Variants in HPSE observed in about 807,000 individuals in gnomAD.
HPSE encodes the protein heparanase, also known as endo-glucoronidase.
HPSE carries 48 observed loss-of-function variants against 65.1 expected under a neutral mutation model. The observed-to-expected ratio is 0.74, with a 90% CI of 0.58 to 0.94. The LOEUF (loss-of-function observed/expected upper bound fraction) is 0.94. Ranked by LOEUF, HPSE falls within the 40% of genes least tolerant of loss-of-function variation. HPSE has a pLI of 0.00. For missense variants in HPSE, 644 were observed against 637.5 expected (o/e 1.01, Z -0.11); for synonymous variants, 243 against 260.0 (o/e 0.93, Z 0.63).
intron 9 of HPSE, among the ~76,000 whole-genome samples, chr4:83,304,685 A>G (rs1736087370): frequency 6.6e-6 from 1 of 152,266 alleles, no homozygotes; most frequent in African/African-American, 2.4e-5. Context: ...AAATAAATAA[A>G]TAAATCACCA....
At chr4:83,298,883 C>T (rs1294988417) in intron 11 of HPSE, among the ~76,000 whole-genome samples, 1 of 151,956 alleles carries the variant, frequency 6.6e-6, no homozygotes, top group Non-Finnish European at 1.5e-5. Flanking sequence ...GTTTAACTCT[C>T]CGAGGTCATT....
chr4:83,314,013 G>A (rs1478641012), intron 3 of HPSE, among the ~76,000 whole-genome samples: 1 of 152,166 alleles, frequency 6.6e-6, no homozygotes, highest in African/African-American at 2.4e-5. Context: ...AGCACTTTGG[G>A]AGGCCGAGGC....
At chr4:83,305,172 G>C (rs1403416486) in intron 9 of HPSE, among the ~76,000 whole-genome samples, 4 of 152,162 alleles carry the variant, frequency 2.6e-5, no homozygotes, top group Non-Finnish European at 5.9e-5. Context: ...CATATACAAA[G>C]AGTTCGTAAG....
At chr4:83,325,782 A>G (rs1239792760) in intron 1 of HPSE, among the ~76,000 whole-genome samples, 2 of 152,248 alleles carry the variant, frequency 1.3e-5, no homozygotes, top group Non-Finnish European at 2.9e-5. Flanking sequence ...TTTCACTGCT[A>G]GACATTCAAA....
intron 1 of HPSE, among the ~76,000 whole-genome samples, chr4:83,322,787 GTT>G (rs1553920741): frequency 0.075 from 8,329 of 111,562 alleles, 620 homozygotes; most frequent in East Asian, 0.29. Context: ...GCAAGAGCTT[GTT>G]TGTGTGTGTG....
intron 3 of HPSE, among the ~76,000 whole-genome samples, chr4:83,316,090 G>A (rs192639204): frequency 1.7e-3 from 262 of 151,544 alleles, no homozygotes; most frequent in African/African-American, 6.0e-3. Flanking sequence ...ACAATGGCAT[G>A]ATCTTGGCTC....
Position 83,326,407 on chromosome 4 carries a change from C to G in HPSE, c.228-4043G>C, listed in dbSNP as rs1737158095. Among the ~76,000 whole-genome samples, 1 of 152,060 alleles carries G rather than the reference C, an allele frequency of 6.6e-6. No homozygotes were observed. The highest frequency in any genetic ancestry group is 2.4e-5 in the African/African-American group (1 of 41,408). On this transcript the variant is annotated intron_variant, in intron 1 of 11. Coordinates refer to ENST00000311412, the MANE Select transcript of HPSE (RefSeq NM_001098540.3). This position sits in a 1 kb window ranked among gnomAD's most constrained non-coding sequence, Gnocchi z 4.2. Reference sequence around the variant, plus strand: ...GTTGAGGAGGAGTCAAGGATTACTCCTGGGAAGCTCCTTGGAAGATGGTAA... The same window carrying G: ...GTTGAGGAGGAGTCAAGGATTACTCGTGGGAAGCTCCTTGGAAGATGGTAA...
At chr4:83,325,689 T>C (rs1292309713) in intron 1 of HPSE, among the ~76,000 whole-genome samples, 1 of 152,194 alleles carries the variant, frequency 6.6e-6, no homozygotes, top group African/African-American at 2.4e-5. Context: ...AAAAATGCTA[T>C]GGAAACATTC....
chr4:83,333,831 CT>C (rs1413704733), intron 1 of HPSE, among the ~76,000 whole-genome samples: 15 of 135,290 alleles, frequency 1.1e-4, no homozygotes, highest in African/African-American at 3.7e-4. Flanking sequence ...CTGTGACGCC[CT>C]TTTCATCTGC....
chr4:83,323,706 A>G (rs774647615), intron 1 of HPSE, among the ~76,000 whole-genome samples: 13 of 152,310 alleles, frequency 8.5e-5, no homozygotes, highest in Non-Finnish European at 1.9e-4. Context: ...ATAGTATTCT[A>G]ATTCCCATCA....
At chr4:83,299,216 T>C (rs1421368805) in intron 11 of HPSE, among the ~76,000 whole-genome samples, 1 of 151,426 alleles carries the variant, frequency 6.6e-6, no homozygotes, top group Non-Finnish European at 1.5e-5. Flanking sequence ...ATACAAAAAT[T>C]AGCCAGGCGT....
intron 1 of HPSE, 64 bp downstream of exon 1, chr4:83,334,492 G>A: frequency 6.8e-7 from 1 of 1,474,016 alleles, no homozygotes; most frequent in Middle Eastern, 2.3e-4. Context: ...GAGAGCGGCT[G>A]GCGGGGCAGA....
chr4:83,322,528 T>C (rs1408703294), intron 1 of HPSE, among the ~76,000 whole-genome samples, 164 bp from the exon 2 acceptor site: 1 of 152,190 alleles, frequency 6.6e-6, no homozygotes, highest in African/African-American at 2.4e-5. Flanking sequence ...AATCTTGCTC[T>C]GTTTTCCAGG....
Position 83,310,901 on chromosome 4 carries a change from G to T in HPSE, c.674-11C>A. Reference sequence around the variant, plus strand: ...GGAAACTGTTAGGTTCTGAAAGACAGCAATTCTCAAAATATATATCGAGAA... The same window carrying T: ...GGAAACTGTTAGGTTCTGAAAGACATCAATTCTCAAAATATATATCGAGAA... On this transcript the variant is annotated splice_polypyrimidine_tract_variant and intron_variant, in intron 4 of 11. Transcript: ENST00000311412. The T allele has an allele frequency of 6.3e-7, 1 of 1,594,762 alleles. No homozygotes were observed. The highest frequency in any genetic ancestry group is 8.6e-7 in the Non-Finnish European group (1 of 1,166,394).
chr4:83,310,669 C>T, intron 5 of HPSE, 53 bp downstream of exon 5: 1 of 1,535,378 alleles, frequency 6.5e-7, no homozygotes, highest in East Asian at 2.3e-5. Flanking sequence ...GAGACTCTGT[C>T]TCAAAAGGAA....
rs377069676 is a variant in HPSE, at chr4:83,331,166, T to G, written c.227+3390A>C. 1.4e-4 allele frequency among the ~76,000 whole-genome samples: 22 copies of G among 151,930 alleles called. No individual in the cohort carries two copies. The East Asian group carries it at 4.1e-3, about 28-fold the overall frequency. ...TTGCAGTGAGCCGAGGTAACGCCAT[T>G]GTACTCTAGCTTGGGTGACAAGAGC... On this transcript the variant is annotated intron_variant, in intron 1 of 11. Coordinates refer to ENST00000311412, the MANE Select transcript of HPSE (RefSeq NM_001098540.3).
chr4:83,300,933 T>G (rs1210425279), intron 11 of HPSE, 27 bp downstream of exon 11: 2 of 1,514,450 alleles, frequency 1.3e-6, no homozygotes, highest in African/African-American at 2.8e-5. Flanking sequence ...TATTGAAAGT[T>G]TGGAATGAAC....
chr4:83,317,984 C>A (rs1224527639), intron 3 of HPSE, among the ~76,000 whole-genome samples: 2 of 152,108 alleles, frequency 1.3e-5, no homozygotes, highest in African/African-American at 4.8e-5. Context: ...TTTTAGAGGA[C>A]AACATTAGCT....
chr4:83,321,561 C>G (rs1736894662), intron 2 of HPSE, among the ~76,000 whole-genome samples: 1 of 152,178 alleles, frequency 6.6e-6, no homozygotes. Context: ...ATCCTCCTGC[C>G]TCAGCCTCCC....
Sources: allele counts gnomAD v4.1 joint callset (sites outside exome capture counted in the v4.1 genomes callset), GRCh38; gene constraint gnomAD v4.1.1; non-coding constraint Gnocchi (gnomAD v3.1); transcripts MANE v1.5; gene names NCBI Gene and HGNC (gene_info 2026-07-23, HGNC 2026-07-21).